KIAA0586: variants seen among roughly 807,000 people sequenced by gnomAD.
KIAA0586 encodes the protein KIAA0586, also known as protein TALPID3.
Under a neutral mutation model 169.8 loss-of-function variants are expected in KIAA0586, and 144 were observed. The ratio of observed to expected loss-of-function variants is 0.85; its 90% CI spans 0.74 to 0.97. KIAA0586 has a LOEUF of 0.97. Among genes scored for constraint, KIAA0586 ranks in the 50% least tolerant of loss-of-function variants. The probability of loss-of-function intolerance (pLI) is 0.00; values close to 1 mark genes in which losing one functional copy is unlikely to be tolerated. For synonymous variants in KIAA0586, 625 were observed against 612.4 expected (o/e 1.02, Z -0.30); for missense variants, 1,854 against 1,823.0 (o/e 1.02, Z -0.31).
chr14:58,534,671 TAGAA>T (rs763677900), intron 29 of KIAA0586, among the ~76,000 whole-genome samples: 24 of 152,032 alleles, frequency 1.6e-4, no homozygotes, highest in Non-Finnish European at 2.9e-4. Flanking sequence ...GAAAAAAAAA[TAGAA>T]AGGAATTCAT....
At chr14:58,461,394 G>T (rs951999636) in intron 14 of KIAA0586, among the ~76,000 whole-genome samples, 6 of 151,938 alleles carry the variant, frequency 3.9e-5, no homozygotes, top group African/African-American at 1.4e-4. Context: ...GGCATCTTCA[G>T]ATAAAGCATC....
intron 27 of KIAA0586, among the ~76,000 whole-genome samples, chr14:58,500,721 CAAA>C (rs34668365): frequency 7.7e-6 from 1 of 129,666 alleles, no homozygotes; most frequent in Admixed American, 7.7e-5. Context: ...GTCTCTGCCT[CAAA>C]AAAAAAAAAA....
chr14:58,433,828 C>T (rs1566775375), intron 4 of KIAA0586, among the ~76,000 whole-genome samples: 3 of 152,058 alleles, frequency 2.0e-5, no homozygotes, highest in Non-Finnish European at 4.4e-5. Context: ...CCAGTCTGGG[C>T]AATATAGCTA....
chr14:58,459,870 C>A lies in KIAA0586; in HGVS notation c.1684C>A (p.Gln562Lys). 1.3e-6 allele frequency: 2 copies of A among 1,529,770 alleles called. No individual in the cohort carries two copies. Among genetic ancestry groups the A allele is most frequent in the South Asian group, 1.2e-5 (1 of 82,992 alleles). The allele number at this position is 1,529,770 out of a possible 1,614,324, so 94.8% of individuals were successfully genotyped here. ...QDELSRTDYE[Q>K]KRFDQKNQRT... is the part of the protein sequence containing the mutation. ...TGAACTGTCAAGAACAGATTATGAACAAAAAAGATTTGATCAGAAGAATCA... is the reference window on the plus strand; with the variant it reads ...TGAACTGTCAAGAACAGATTATGAAAAAAAAAGATTTGATCAGAAGAATCA... The change falls in exon 13 of 31, where the codon CAA becomes AAA. Residue 562 changes from glutamine to lysine, a missense_variant. Physicochemically the swap from Gln to Lys is moderately conservative, Grantham distance 53. Coordinates refer to ENST00000652326, the MANE Select transcript of KIAA0586 (RefSeq NM_001329943.3).
intron 28 of KIAA0586, among the ~76,000 whole-genome samples, chr14:58,509,079 A>G (rs1046910135): frequency 1.3e-5 from 2 of 152,028 alleles, no homozygotes; most frequent in Non-Finnish European, 2.9e-5. Flanking sequence ...AAATACAAAA[A>G]TTAGCTCGGC....
At chr14:58,447,493 G>A (rs201173703) in intron 6 of KIAA0586, among the ~76,000 whole-genome samples, 4 of 70,536 alleles carry the variant, frequency 5.7e-5, no homozygotes, top group African/African-American at 1.9e-4. Context: ...ATTTTATTTT[G>A]TTTTTGAGAT....
chr14:58,536,027 A>T (rs1444652778), intron 29 of KIAA0586, among the ~76,000 whole-genome samples: 3 of 152,194 alleles, frequency 2.0e-5, no homozygotes, highest in Non-Finnish European at 4.4e-5. Context: ...GAAGAGTCAG[A>T]AAGTAAGCTT....
chr14:58,536,934 T>G, intron 29 of KIAA0586: 1 of 847,340 alleles, frequency 1.2e-6, no homozygotes, highest in Non-Finnish European at 1.6e-6. Flanking sequence ...AATAGAACTT[T>G]ATAGATCAAA....
intron 14 of KIAA0586, 61 bp from the exon 15 acceptor site, chr14:58,465,774 T>C: frequency 9.6e-7 from 1 of 1,040,018 alleles, no homozygotes; most frequent in Non-Finnish European, 1.4e-6. Flanking sequence ...TATTTCTAGA[T>C]GTCTGGATAG....
At chr14:58,435,602 C>A (rs992948354) in intron 4 of KIAA0586, among the ~76,000 whole-genome samples, 1 of 152,168 alleles carries the variant, frequency 6.6e-6, no homozygotes, top group Non-Finnish European at 1.5e-5. Context: ...AATTTTGTAT[C>A]CTTTAACAAA....
intron 27 of KIAA0586, among the ~76,000 whole-genome samples, chr14:58,500,094 G>T (rs1221038606): frequency 2.0e-5 from 3 of 152,162 alleles, no homozygotes; most frequent in Admixed American, 2.0e-4. Context: ...ATATATAGTT[G>T]ACTCTCATCT....
chr14:58,444,292 C>G (rs901287922), intron 6 of KIAA0586, 117 bp downstream of exon 6: 4 of 692,592 alleles, frequency 5.8e-6, no homozygotes, highest in Non-Finnish European at 9.9e-6. Flanking sequence ...GTTCTGAAAT[C>G]ATGATTTGCT....
chr14:58,525,268 C>A (rs1430333055), intron 29 of KIAA0586, among the ~76,000 whole-genome samples: 1 of 151,936 alleles, frequency 6.6e-6, no homozygotes, highest in Non-Finnish European at 1.5e-5. Flanking sequence ...GGGGCCTGGG[C>A]AAGATGGCTG....
At chr14:58,506,073 C>G (rs1177235039) in intron 27 of KIAA0586, among the ~76,000 whole-genome samples, 1 of 151,994 alleles carries the variant, frequency 6.6e-6, no homozygotes, top group East Asian at 1.9e-4. Context: ...ATTAAAGTCT[C>G]TTGGGTTTTC....
At chr14:58,436,105 A>G (rs1255795436) in intron 4 of KIAA0586, among the ~76,000 whole-genome samples, 1 of 152,228 alleles carries the variant, frequency 6.6e-6, no homozygotes, top group Non-Finnish European at 1.5e-5. Flanking sequence ...CAAGATGTCC[A>G]TTATTTTTTA....
At chr14:58,519,640 T>G (rs1243713428) in intron 29 of KIAA0586, among the ~76,000 whole-genome samples, 1 of 152,210 alleles carries the variant, frequency 6.6e-6, no homozygotes, top group African/African-American at 2.4e-5. Flanking sequence ...CATCTCTATA[T>G]TTCCAGGACT....
At chr14:58,537,108 T>C in intron 29 of KIAA0586, 1 of 1,231,692 alleles carries the variant, frequency 8.1e-7, no homozygotes. Context: ...GTTTTAATCA[T>C]CAACTGCAGA....
intron 4 of KIAA0586, among the ~76,000 whole-genome samples, chr14:58,435,896 A>G (rs1024402743): frequency 3.9e-5 from 6 of 151,916 alleles, no homozygotes; most frequent in African/African-American, 7.3e-5. Flanking sequence ...TTTAGTAGAG[A>G]CGGGGTTTTG....
At chr14:58,453,510 A>C (rs764500054) in intron 9 of KIAA0586, 37 bp downstream of exon 9, 3 of 1,415,010 alleles carry the variant, frequency 2.1e-6, no homozygotes, top group Admixed American at 3.3e-5. Context: ...CTAGATTGAA[A>C]AGAGTTTTGT....
Sources: gnomAD v4.1 joint callset for allele counts (sites outside exome capture counted in the v4.1 genomes callset) on GRCh38, gnomAD v4.1.1 for gene constraint, MANE v1.5 for transcripts, NCBI Gene and HGNC (gene_info 2026-07-23, HGNC 2026-07-21) for gene names.